Variants in MGMT observed in about 807,000 individuals in gnomAD.
MGMT encodes methylated-DNA--protein-cysteine methyltransferase.
A neutral mutation model predicts 15.9 loss-of-function variants in MGMT; 14 were observed. The ratio of observed to expected loss-of-function variants is 0.88; its 90% CI spans 0.58 to 1.37. The LOEUF (loss-of-function observed/expected upper bound fraction) is 1.37. Among genes scored for constraint, MGMT ranks in the 40% most tolerant of loss-of-function variants. The pLI is 0.00. For synonymous variants in MGMT, 130 were observed against 118.2 expected, an observed-to-expected ratio of 1.10 and a Z score of -0.65; for missense variants, 282 against 268.1, an observed-to-expected ratio of 1.05 and a Z score of -0.36.
intron 1 of MGMT, among the ~76,000 whole-genome samples, chr10:129,501,036 C>CG (rs1378328753): frequency 6.6e-6 from 1 of 152,168 alleles, no homozygotes; most frequent in Non-Finnish European, 1.5e-5. Flanking sequence ...AGCTCAGTGA[C>CG]GGGGTCAGTC....
intron 2 of MGMT, among the ~76,000 whole-genome samples, chr10:129,663,348 G>T (rs1317407870): frequency 6.6e-6 from 1 of 152,068 alleles, no homozygotes. Context: ...TTAATGCAGT[G>T]ATTAGAGAAT....
chr10:129,470,023 T>C (rs1008588173), intron 1 of MGMT, among the ~76,000 whole-genome samples: 3 of 152,200 alleles, frequency 2.0e-5, no homozygotes, highest in South Asian at 2.1e-4. Flanking sequence ...CGCAGGATAT[T>C]ATTTAAACGA....
At chr10:129,570,096 C>T (rs1210294690) in intron 2 of MGMT, among the ~76,000 whole-genome samples, 1 of 152,244 alleles carries the variant, frequency 6.6e-6, no homozygotes, top group Admixed American at 6.5e-5. Context: ...CAGCACCCTC[C>T]GCAGACCCTC....
chr10:129,589,191 G>T lies in MGMT; in HGVS notation c.125+52814G>T, dbSNP rs180875827. ...GGAGGACGTCATGGTGTCTGTTCTC[G>T]CAGTCATGGAGCCTAGTGCCAACAG... On this transcript the variant is annotated intron_variant, in intron 2 of 4. Transcript: ENST00000651593. Among the ~76,000 whole-genome samples the T allele has an allele frequency of 3.7e-4, 56 of 152,358 alleles. No individual in the cohort carries two copies. The East Asian group carries it at 6.8e-3, about 18-fold the overall frequency.
chr10:129,577,013 C>G (rs1846491565), intron 2 of MGMT, among the ~76,000 whole-genome samples: 1 of 152,080 alleles, frequency 6.6e-6, no homozygotes, highest in Non-Finnish European at 1.5e-5. Flanking sequence ...GAACTACAAA[C>G]CACTGCTCAA....
At chr10:129,676,225 T>G (rs1437441900) in intron 2 of MGMT, among the ~76,000 whole-genome samples, 1 of 152,188 alleles carries the variant, frequency 6.6e-6, no homozygotes, top group Non-Finnish European at 1.5e-5. Context: ...TTACTGAGCC[T>G]CCTTCACTTC....
At position 129,646,754 on chromosome 10, in the gene MGMT, A is replaced by ATATTTTTTTTTTT; in HGVS notation, c.126-61140_126-61139insATTTTTTTTTTTT. On this transcript the variant is annotated intron_variant, in intron 2 of 4. Coordinates refer to ENST00000651593, the MANE Select transcript of MGMT (RefSeq NM_002412.5). ...TATATATATATATATATATATATAT[A>ATATTTTTTTTTTT]TTTTCAGGGAATGGTAGAGAACAGT... 3.5e-3 allele frequency among the ~76,000 whole-genome samples: 302 copies of ATATTTTTTTTTTT among 86,492 alleles called. 4 individuals carry two copies. Among genetic ancestry groups the ATATTTTTTTTTTT allele is most frequent in the African/African-American group, 0.011 (268 of 25,340 alleles). 56.7% of individuals were successfully genotyped at this position (86,492 alleles called of 152,430 possible). A position where few individuals can be genotyped will look rare whatever the true frequency, so the allele number is the denominator to read the frequency against.
Position 129,707,976 on chromosome 10 carries a change from T to C in MGMT, c.207T>C (p.Tyr69=). The C allele has an allele frequency of 6.2e-7, 1 of 1,613,734 alleles. No homozygotes were observed. Among genetic ancestry groups the C allele is most frequent in the African/African-American group, 1.3e-5 (1 of 75,018 alleles). ...AGTGCACAGCCTGGCTGAATGCCTA[T>C]TTCCACCAGCCCGAGGCTATCGAAG... is the stretch of plus-strand genomic sequence containing the variant. ...LMQCTAWLNA[Y]FHQPEAIEEF... The change falls in exon 3 of 5, where the codon TAT becomes TAC. Residue 69 remains tyrosine (Y), a synonymous_variant. Transcript: ENST00000651593.
At chr10:129,666,230 C>G (rs935442806) in intron 2 of MGMT, among the ~76,000 whole-genome samples, 3 of 152,150 alleles carry the variant, frequency 2.0e-5, no homozygotes, top group Non-Finnish European at 2.9e-5. Context: ...TTTCAGTGTT[C>G]TAGATCATAT....
chr10:129,532,738 AGCCCTG>A lies in MGMT; in HGVS notation c.-12-3499_-12-3494del, dbSNP rs1376694475. On this transcript the variant is annotated intron_variant, in intron 1 of 4. Coordinates refer to ENST00000651593, the MANE Select transcript of MGMT (RefSeq NM_002412.5). This position sits in a 1 kb window ranked among gnomAD's most constrained non-coding sequence, Gnocchi z 5.3. ...GCCCGTCACGGTGTGTAGTGCCCAAAGCCCTGGCCGTGGCCATCTCAGGTTAGACCC... is the reference window on the plus strand; with the variant it reads ...GCCCGTCACGGTGTGTAGTGCCCAAAGCCGTGGCCATCTCAGGTTAGACCC... 6.6e-6 allele frequency among the ~76,000 whole-genome samples: 1 copy of A among 152,174 alleles called. No homozygotes were observed. Among genetic ancestry groups the A allele is most frequent in the Admixed American group, 6.5e-5 (1 of 15,290 alleles).
At chr10:129,473,858 A>C (rs756038529) in intron 1 of MGMT, among the ~76,000 whole-genome samples, 27 of 152,178 alleles carry the variant, frequency 1.8e-4, no homozygotes, top group Non-Finnish European at 3.5e-4. Context: ...CCCGCACCCC[A>C]CTAGAGAGTG....
chr10:129,472,388 C>T (rs1029533965), intron 1 of MGMT, among the ~76,000 whole-genome samples: 16 of 151,896 alleles, frequency 1.1e-4, no homozygotes, highest in African/African-American at 3.9e-4. Flanking sequence ...TTTCTATCCA[C>T]TACATGGATA....
At position 129,708,015 on chromosome 10, in the gene MGMT, G is replaced by T; in HGVS notation, c.246G>T (p.Pro82=). 1.2e-6 allele frequency: 2 copies of T among 1,613,472 alleles called. No homozygotes were observed. Among genetic ancestry groups the T allele is most frequent in the African/African-American group, 1.3e-5 (1 of 74,956 alleles). The change falls in exon 3 of 5, where the codon CCG becomes CCT. Residue 82 remains proline, a synonymous_variant. Transcript: ENST00000651593. ...QPEAIEEFPV[P]ALHHPVFQQE... ...AGGCTATCGAAGAGTTCCCCGTGCC[G>T]GCTCTTCACCATCCCGTTTTCCAGC...
At chr10:129,523,021 G>A (rs936209293) in intron 1 of MGMT, among the ~76,000 whole-genome samples, 16 of 152,266 alleles carry the variant, frequency 1.1e-4, no homozygotes, top group Admixed American at 2.0e-4. Flanking sequence ...TTAAGCTGAA[G>A]CTTCCCAAGC....
At chr10:129,701,203 A>G (rs1848095221) in intron 2 of MGMT, 1 of 152,244 alleles carries the variant, frequency 6.6e-6, no homozygotes, top group South Asian at 2.1e-4. Flanking sequence ...CAGATTCCAG[A>G]GGAACTCAGA....
chr10:129,552,780 C>CAG (rs1564850152), intron 2 of MGMT, among the ~76,000 whole-genome samples: 1 of 152,242 alleles, frequency 6.6e-6, no homozygotes, highest in Non-Finnish European at 1.5e-5. Context: ...GCACAGCTGC[C>CAG]AGAGTCAAGG....
chr10:129,467,322 C>T (rs533472872), intron 1 of MGMT, 26 bp downstream of exon 1: 31 of 1,530,926 alleles, frequency 2.0e-5, no homozygotes, highest in Middle Eastern at 1.7e-4. Flanking sequence ...GCCTCGCTCC[C>T]GGAAGAGTGC....
At chr10:129,470,698 C>T (rs1845220994) in intron 1 of MGMT, among the ~76,000 whole-genome samples, 1 of 152,172 alleles carries the variant, frequency 6.6e-6, no homozygotes, top group Admixed American at 6.5e-5. Context: ...AATAGGCCGC[C>T]CTGGGAGCTG....
intron 1 of MGMT, among the ~76,000 whole-genome samples, chr10:129,487,866 C>T (rs966568745): frequency 1.3e-5 from 2 of 150,720 alleles, no homozygotes; most frequent in African/African-American, 4.9e-5. Flanking sequence ...TAAGTTGGAT[C>T]CTAGACATTG....
Sources: gnomAD v4.1 joint callset for allele counts (sites outside exome capture counted in the v4.1 genomes callset) on GRCh38, gnomAD v4.1.1 for gene constraint, Gnocchi (gnomAD v3.1) non-coding constraint, MANE v1.5 for transcripts, NCBI Gene and HGNC (gene_info 2026-07-23, HGNC 2026-07-21) for gene names.